Variants in MBNL2 observed in about 807,000 individuals in gnomAD.
MBNL2 encodes the protein muscleblind like splicing regulator 2.
In MBNL2, 17 loss-of-function variants were observed where a neutral mutation model predicts 41.9. The observed-to-expected ratio is 0.41, with a 90% CI of 0.28 to 0.61. The LOEUF is 0.61. Among genes scored for constraint, MBNL2 ranks in the 20% least tolerant of loss-of-function variants. The pLI, the probability that MBNL2 is intolerant of heterozygous loss-of-function variation, is 0.35. For synonymous variants in MBNL2, 195 were observed against 182.9 expected, an observed-to-expected ratio of 1.07 and a Z score of -0.53; for missense variants, 336 against 505.6, an observed-to-expected ratio of 0.66 and a Z score of 3.22.
chr13:97,176,754 T>C, the MBNL2 span, among the ~76,000 whole-genome samples: 5 of 152,208 alleles, frequency 3.3e-5, no homozygotes, highest in Non-Finnish European at 7.3e-5. Context: ...CTTAATAGCC[T>C]TTTCCTACCT....
chr13:97,159,026 A>T, the MBNL2 span, among the ~76,000 whole-genome samples: 1 of 150,472 alleles, frequency 6.6e-6, no homozygotes, highest in Non-Finnish European at 1.5e-5. Context: ...AATGTGTGGG[A>T]GTCTAAGTCT....
At chr13:97,313,315 T>C (rs2058764833) in intron 2 of MBNL2, among the ~76,000 whole-genome samples, 1 of 152,220 alleles carries the variant, frequency 6.6e-6, no homozygotes, top group Non-Finnish European at 1.5e-5. Context: ...TCAATGGTTT[T>C]CCCTGCTTTT....
At chr13:97,338,246 G>T (rs534218442) in intron 3 of MBNL2, among the ~76,000 whole-genome samples, 2 of 152,192 alleles carry the variant, frequency 1.3e-5, no homozygotes, top group South Asian at 4.2e-4. Flanking sequence ...CTCTGCCTCT[G>T]CTGGCCTGTC....
chr13:97,173,807 A>C, the MBNL2 span, among the ~76,000 whole-genome samples: 1 of 152,108 alleles, frequency 6.6e-6, no homozygotes, highest in Non-Finnish European at 1.5e-5. Flanking sequence ...TGCGCCTTCT[A>C]TCTTTGCCTG....
At position 97,366,439 on chromosome 13, in the gene MBNL2, C is replaced by T. The variant is rs1225791137; in HGVS notation, c.1048+1268C>T. 13 of 1,257,754 alleles carry T rather than the reference C, an allele frequency of 1.0e-5. No individual in the cohort carries two copies. The highest frequency in any genetic ancestry group is 1.5e-5 in the Non-Finnish European group (13 of 858,632). 77.9% of individuals were successfully genotyped at this position (1,257,754 alleles called of 1,614,324 possible). On this transcript the variant is annotated intron_variant, in intron 8 of 8. Transcript: ENST00000679496. The surrounding 1 kb of genome is among the most constrained non-coding windows in gnomAD (Gnocchi z 4.7). ...GCTACACCCTCCTGTTCATTGCTCC[C>T]ATGGTTCCCCTCCTGAAAGTACCCA...
chr13:97,348,242 T>G (rs2062079417), intron 5 of MBNL2, among the ~76,000 whole-genome samples: 1 of 152,006 alleles, frequency 6.6e-6, no homozygotes, highest in African/African-American at 2.4e-5. Context: ...ATTTTTTTTG[T>G]AGAGACAGGG....
At chr13:97,374,063 A>ATTTGTTTTTTTTTT (rs2064689888) in intron 8 of MBNL2, among the ~76,000 whole-genome samples, 1 of 63,128 alleles carries the variant, frequency 1.6e-5, no homozygotes. Context: ...CCTCCTTTGC[A>ATTTGTTTTTTTTTT]TTTTTTTTTT....
chr13:97,162,787 G>A, the MBNL2 span, among the ~76,000 whole-genome samples: 1 of 152,188 alleles, frequency 6.6e-6, no homozygotes. Flanking sequence ...ATGTTTTTTA[G>A]TAATTTATCT....
At chr13:97,354,641 AAT>A (rs1252872280) in intron 5 of MBNL2, among the ~76,000 whole-genome samples, 1 of 152,248 alleles carries the variant, frequency 6.6e-6, no homozygotes, top group Non-Finnish European at 1.5e-5. Context: ...GAAGAAGAAG[AAT>A]ATTAACCTTC....
At position 97,366,836 on chromosome 13, in the gene MBNL2, C is replaced by T; in HGVS notation, c.1048+1665C>T. The T allele has an allele frequency of 2.2e-6, 1 of 461,850 alleles. No individual in the cohort carries two copies. The highest frequency in any genetic ancestry group is 2.1e-5 in the South Asian group (1 of 46,868). 28.6% of individuals were successfully genotyped at this position (461,850 alleles called of 1,614,324 possible). A position where few individuals can be genotyped will look rare whatever the true frequency, so the allele number is the denominator to read the frequency against. ...TTAAATTCCTTTTAGTACAGCATTA[C>T]CTATCCAGTGGTTTGTGAATGGCCA... On this transcript the variant is annotated intron_variant, in intron 8 of 8. Transcript: ENST00000679496. This position sits in a 1 kb window ranked among gnomAD's most constrained non-coding sequence, Gnocchi z 4.7.
At chr13:97,144,421 T>C in the MBNL2 span, among the ~76,000 whole-genome samples, 1 of 95,222 alleles carries the variant, frequency 1.1e-5, no homozygotes, top group Admixed American at 1.4e-4. Flanking sequence ...GACATGATAC[T>C]TCTTTTTTTT....
Position 97,302,340 on chromosome 13 carries a change from G to C in MBNL2, c.174+25931G>C, listed in dbSNP as rs577048004. 9.2e-5 allele frequency among the ~76,000 whole-genome samples: 14 copies of C among 152,324 alleles called. 1 individual carries two copies. The South Asian group carries it at 2.9e-3, about 32-fold the overall frequency. ...ATGCTTTTTACAGAGCGTTACCTCT[G>C]TATTATGGGGGACCTGAATGTTGAA... On this transcript the variant is annotated intron_variant, in intron 2 of 8. Coordinates refer to ENST00000679496, the MANE Select transcript of MBNL2 (RefSeq NM_001382683.1).
At chr13:97,378,791 AAAT>A (rs1312576325) in intron 8 of MBNL2, among the ~76,000 whole-genome samples, 7 of 152,228 alleles carry the variant, frequency 4.6e-5, no homozygotes, top group Non-Finnish European at 8.8e-5. Context: ...ATGAATCCTA[AAAT>A]AATAGCCTAA....
chr13:97,306,097 A>T (rs2058095232), intron 2 of MBNL2, among the ~76,000 whole-genome samples: 1 of 152,190 alleles, frequency 6.6e-6, no homozygotes, highest in South Asian at 2.1e-4. Flanking sequence ...GGAAAGGTGG[A>T]GAAATGAAAA....
At chr13:97,335,606 AG>A (rs2060813930) in intron 3 of MBNL2, among the ~76,000 whole-genome samples, 2 of 152,146 alleles carry the variant, frequency 1.3e-5, no homozygotes, top group Non-Finnish European at 2.9e-5. Flanking sequence ...CCAGGTGCAG[AG>A]GGCTCCAAGA....
chr13:97,272,562 T>C (rs1324920285), intron 1 of MBNL2, among the ~76,000 whole-genome samples: 1 of 151,586 alleles, frequency 6.6e-6, no homozygotes, highest in Non-Finnish European at 1.5e-5. Flanking sequence ...TCTTCTAGGG[T>C]TTTTTATGGT....
chr13:97,289,717 G>T (rs1422805064), intron 2 of MBNL2, among the ~76,000 whole-genome samples: 1 of 152,164 alleles, frequency 6.6e-6, no homozygotes, highest in Non-Finnish European at 1.5e-5. Flanking sequence ...TGCTTTCGTG[G>T]ACCTTGCAGC....
intron 2 of MBNL2, among the ~76,000 whole-genome samples, chr13:97,324,237 C>T (rs993277459): frequency 1.3e-5 from 2 of 152,148 alleles, no homozygotes; most frequent in African/African-American, 4.8e-5. Flanking sequence ...GCATTGATCA[C>T]TCTATTTTAA....
chr13:97,164,601 T>C, the MBNL2 span, among the ~76,000 whole-genome samples: 1 of 152,178 alleles, frequency 6.6e-6, no homozygotes, highest in Non-Finnish European at 1.5e-5. Flanking sequence ...AATATCACTA[T>C]TGTGCTGTAG....
Sources: allele counts gnomAD v4.1 joint callset (sites outside exome capture counted in the v4.1 genomes callset), GRCh38; gene constraint gnomAD v4.1.1; non-coding constraint Gnocchi (gnomAD v3.1); transcripts MANE v1.5; gene names NCBI Gene and HGNC (gene_info 2026-07-23, HGNC 2026-07-21).